RBM47: variants seen among roughly 807,000 people sequenced by gnomAD.
The protein encoded by RBM47 is RNA binding motif protein 47, also known as RNA-binding protein 47.
In RBM47, 21 loss-of-function variants were observed where a neutral mutation model predicts 47.1. The ratio of observed to expected loss-of-function variants is 0.45; its 90% CI spans 0.32 to 0.64. The LOEUF (loss-of-function observed/expected upper bound fraction) is 0.64, where lower values mean the gene tolerates loss of function less well. RBM47 is among the 30% of genes least tolerant of loss of function. The pLI is 0.05. For synonymous variants in RBM47, 375 were observed against 361.7 expected, an observed-to-expected ratio of 1.04 and a Z score of -0.42; for missense variants, 708 against 870.9, an observed-to-expected ratio of 0.81 and a Z score of 2.35.
intron 2 of RBM47, among the ~76,000 whole-genome samples, chr4:40,535,538 AT>A (rs1727881048): frequency 7.1e-6 from 1 of 141,150 alleles, no homozygotes; most frequent in African/African-American, 2.7e-5. Flanking sequence ...CGTCTGGCTA[AT>A]TTTTGTATTT....
rs892131175 is a variant in RBM47, at chr4:40,424,552, C to T, written c.*1352G>A. The T allele has an allele frequency of 6.6e-6, 1 of 152,322 alleles. No individual in the cohort carries two copies. Among genetic ancestry groups the T allele is most frequent in the East Asian group, 1.9e-4 (1 of 5,198 alleles). 9.4% of individuals were successfully genotyped at this position (152,322 alleles called of 1,614,324 possible). ...CCAACATAAAAGGACTAAAAACAAG[C>T]ATTAGAAGATATTTACAAACTATCT... On this transcript the variant is annotated 3_prime_UTR_variant, in exon 7 of 7. Coordinates refer to ENST00000295971, the MANE Select transcript of RBM47 (RefSeq NM_001098634.2).
At chr4:40,472,499 T>G (rs904360724) in intron 2 of RBM47, among the ~76,000 whole-genome samples, 15 of 150,506 alleles carry the variant, frequency 1.0e-4, no homozygotes, top group African/African-American at 3.2e-4. Flanking sequence ...GAGGTGGAGG[T>G]TGCAGTAAGC....
At chr4:40,520,753 A>G (rs1227651798) in intron 2 of RBM47, among the ~76,000 whole-genome samples, 1 of 152,126 alleles carries the variant, frequency 6.6e-6, no homozygotes, top group African/African-American at 2.4e-5. Context: ...ACCTCAACAG[A>G]TGTGTAAGAA....
Position 40,628,694 on chromosome 4 carries a change from C to T in RBM47, c.-240+702G>A, listed in dbSNP as rs573043608. Among the ~76,000 whole-genome samples the T allele has an allele frequency of 1.3e-5, 2 of 152,232 alleles. No homozygotes were observed. Among genetic ancestry groups the T allele is most frequent in the South Asian group, 4.1e-4 (2 of 4,832 alleles). On this transcript the variant is annotated intron_variant, in intron 1 of 6. Coordinates refer to ENST00000295971, the MANE Select transcript of RBM47 (RefSeq NM_001098634.2). This position sits in a 1 kb window ranked among gnomAD's most constrained non-coding sequence, Gnocchi z 4.0. The stretch of plus-strand genomic sequence containing the variant: ...AAAAGGTTTGATTTTTAGTTCAGGT[C>T]GGTAATGGCCTGTAAGTACCTTGAA...
At chr4:40,541,584 A>G (rs1319611785) in intron 2 of RBM47, among the ~76,000 whole-genome samples, 2 of 152,094 alleles carry the variant, frequency 1.3e-5, no homozygotes, top group African/African-American at 4.8e-5. Flanking sequence ...CTAAAAATAC[A>G]ACAAATTAGC....
rs1347785181 is a variant in RBM47, at chr4:40,592,190, G to A, written c.-240+37206C>T. Among the ~76,000 whole-genome samples, 4 of 151,696 alleles carry A rather than the reference G, an allele frequency of 2.6e-5. 1 individual carries two copies. The highest frequency in any genetic ancestry group is 2.0e-4 in the Admixed American group (3 of 15,226). ...AAAGTAGAGTACAGGGGAATCATCC[G>A]TTTGCAATTATTAACTTATTTTCCT... On this transcript the variant is annotated intron_variant, in intron 1 of 6. Transcript: ENST00000295971.
intron 1 of RBM47, among the ~76,000 whole-genome samples, chr4:40,545,593 G>A (rs916414751): frequency 2.7e-5 from 4 of 147,142 alleles, no homozygotes; most frequent in African/African-American, 9.8e-5. Context: ...GAACTCGGGA[G>A]GCGGAGGTTG....
intron 3 of RBM47, among the ~76,000 whole-genome samples, chr4:40,466,265 CAAAAAAAAAAAAA>C (rs55805915): frequency 1.1e-5 from 1 of 91,664 alleles, no homozygotes; most frequent in African/African-American, 4.1e-5. Flanking sequence ...GAGACTGTCT[CAAAAAAAAAAAAA>C]AAAAAAAGAA....
In RBM47 at chr4:40,587,294, G is replaced by T. The variant is rs80312088; in HGVS notation, c.-240+42102C>A. On this transcript the variant is annotated intron_variant, in intron 1 of 6. Transcript: ENST00000295971. ...GGAAATCCTCACTGCTGACTCAGGAGAGCATATTAAGGGGCCACAGGTAGT... is the reference window on the plus strand; with the variant it reads ...GGAAATCCTCACTGCTGACTCAGGATAGCATATTAAGGGGCCACAGGTAGT... Among the ~76,000 whole-genome samples, 268 of 152,254 alleles carry T rather than the reference G, an allele frequency of 1.8e-3. 2 individuals are homozygous for T. The highest frequency in any genetic ancestry group is 6.1e-3 in the African/African-American group (255 of 41,556).
chr4:40,522,848 CTAT>C (rs1290021762), intron 2 of RBM47, among the ~76,000 whole-genome samples: 1 of 151,630 alleles, frequency 6.6e-6, no homozygotes, highest in Non-Finnish European at 1.5e-5. Flanking sequence ...AATGAGCTTA[CTAT>C]TATTCTTGTT....
At chr4:40,553,495 A>T (rs1026424917) in intron 1 of RBM47, among the ~76,000 whole-genome samples, 1 of 152,026 alleles carries the variant, frequency 6.6e-6, no homozygotes, top group African/African-American at 2.4e-5. Context: ...ATGGCATTTC[A>T]CCATGTTGCC....
rs535210913 is a variant in RBM47 at position 40,602,645 on chromosome 4, TAAAAAA to T, written c.-240+26745_-240+26750del. ...CCTGGCGACAGAGTGAGAATCCGTT[TAAAAAA>T]AAAAAAAAAAAAAGGAATATCATAA... is the stretch of plus-strand genomic sequence containing the variant. On this transcript the variant is annotated intron_variant, in intron 1 of 6. Transcript: ENST00000295971. Among the ~76,000 whole-genome samples the T allele has an allele frequency of 8.1e-5, 10 of 122,838 alleles. No homozygotes were observed. In the East Asian group the frequency reaches 1.6e-3, roughly 20 times the overall value. 80.6% of individuals were successfully genotyped at this position (122,838 alleles called of 152,430 possible). A position where few individuals can be genotyped will look rare whatever the true frequency, so the allele number is the denominator to read the frequency against.
chr4:40,563,115 T>C (rs553764573), intron 1 of RBM47, among the ~76,000 whole-genome samples: 6 of 152,180 alleles, frequency 3.9e-5, no homozygotes, highest in Non-Finnish European at 7.3e-5. Context: ...CACTTGAATC[T>C]GGGAGGCAGA....
intron 2 of RBM47, among the ~76,000 whole-genome samples, chr4:40,528,389 C>T (rs1211560715): frequency 2.0e-5 from 3 of 147,302 alleles, no homozygotes; most frequent in Non-Finnish European, 3.0e-5. Context: ...AGCCTGGCGA[C>T]AGAGTGAGGC....
At chr4:40,574,009 G>A (rs1459585079) in intron 1 of RBM47, among the ~76,000 whole-genome samples, 1 of 152,074 alleles carries the variant, frequency 6.6e-6, no homozygotes, top group African/African-American at 2.4e-5. Flanking sequence ...ATGACCTTTT[G>A]CCACAAAGCT....
chr4:40,540,632 C>A (rs1728421171), intron 2 of RBM47, among the ~76,000 whole-genome samples: 2 of 125,818 alleles, frequency 1.6e-5, no homozygotes, highest in African/African-American at 3.6e-5. Flanking sequence ...GAGTGAAACT[C>A]TGTCTCAAAA....
chr4:40,525,034 A>G (rs764024245), intron 2 of RBM47, among the ~76,000 whole-genome samples: 7 of 152,210 alleles, frequency 4.6e-5, no homozygotes, highest in Non-Finnish European at 1.5e-5. Context: ...GTATGGGGGT[A>G]AGGCTATGAA....
rs143645428 is a variant in RBM47 at position 40,590,913 on chromosome 4, C to T, written c.-240+38483G>A. On this transcript the variant is annotated intron_variant, in intron 1 of 6. Transcript: ENST00000295971. ...CGCCTCCCAGGTTCAAGTGATTCTC[C>T]TCCCTCAGCCTCCTGAGCAGCTGGG... is the stretch of plus-strand genomic sequence containing the variant. 3.0e-3 allele frequency among the ~76,000 whole-genome samples: 455 copies of T among 152,324 alleles called. 1 individual carries two copies. Among genetic ancestry groups the T allele is most frequent in the African/African-American group, 0.011 (442 of 41,564 alleles).
At chr4:40,459,593 T>A (rs1279821844) in intron 3 of RBM47, among the ~76,000 whole-genome samples, 2 of 152,048 alleles carry the variant, frequency 1.3e-5, no homozygotes, top group African/African-American at 2.4e-5. Context: ...AAAAATAATT[T>A]AAAAAAACTT....
Sources: allele counts gnomAD v4.1 joint callset (sites outside exome capture counted in the v4.1 genomes callset), GRCh38; gene constraint gnomAD v4.1.1; non-coding constraint Gnocchi (gnomAD v3.1); transcripts MANE v1.5; gene names NCBI Gene and HGNC (gene_info 2026-07-23, HGNC 2026-07-21).